WDR45B: variants seen among roughly 807,000 people sequenced by gnomAD.
WDR45B encodes the protein WD repeat domain 45B.
A neutral mutation model predicts 44.6 loss-of-function variants in WDR45B; 20 were observed. That is an observed-to-expected ratio of 0.45 (90% CI 0.32 to 0.65). The LOEUF (loss-of-function observed/expected upper bound fraction) is 0.65. Ranked by LOEUF, WDR45B falls within the 30% of genes least tolerant of loss-of-function variation. WDR45B has a pLI of 0.05. For missense variants in WDR45B, 323 were observed against 430.2 expected, an observed-to-expected ratio of 0.75 and a Z score of 2.20; for synonymous variants, 169 against 164.9, an observed-to-expected ratio of 1.02 and a Z score of -0.19.
chr17:82,618,960 T>C (rs2045576198), intron 7 of WDR45B, 83 bp downstream of exon 7: 3 of 1,333,964 alleles, frequency 2.2e-6, no homozygotes, highest in South Asian at 2.4e-5. Context: ...TGGCTGCTCC[T>C]ACCCCCTCTC....
intron 2 of WDR45B, among the ~76,000 whole-genome samples, chr17:82,641,485 T>C (rs1490108160): frequency 1.3e-5 from 2 of 152,178 alleles, no homozygotes; most frequent in Admixed American, 6.6e-5. Context: ...CCCTTTCACC[T>C]GCTAAGGCAG....
intron 1 of WDR45B, 121 bp downstream of exon 1, chr17:82,648,153 G>A (rs1011736083): frequency 2.5e-6 from 3 of 1,186,666 alleles, no homozygotes; most frequent in Non-Finnish European, 3.4e-6. Context: ...GCTCGGGCGG[G>A]GCCGGGGTCC....
At position 82,641,707 on chromosome 17, in the gene WDR45B, T is replaced by C. The variant is rs552174945; in HGVS notation, c.142+2242A>G. On this transcript the variant is annotated intron_variant, in intron 2 of 9. Transcript: ENST00000392325. ...GTCAGGAGATCAAGACCATCCTGGC[T>C]AACACAGTGAAACACCGTCTCTACC... 1.6e-3 allele frequency among the ~76,000 whole-genome samples: 249 copies of C among 152,224 alleles called. 1 individual carries two copies. The highest frequency in any genetic ancestry group is 2.7e-3 in the Non-Finnish European group (186 of 68,008).
intron 2 of WDR45B, among the ~76,000 whole-genome samples, chr17:82,643,327 G>A (rs2045939207): frequency 6.6e-6 from 1 of 152,116 alleles, no homozygotes; most frequent in South Asian, 2.1e-4. Context: ...CAGCTACTCG[G>A]GAGGCCGAGG....
chr17:82,647,564 T>G (rs2045995120), intron 1 of WDR45B, among the ~76,000 whole-genome samples: 1 of 152,080 alleles, frequency 6.6e-6, no homozygotes, highest in African/African-American at 2.4e-5. Flanking sequence ...ACACCTGGAT[T>G]CCGACATGGG....
intron 5 of WDR45B, among the ~76,000 whole-genome samples, chr17:82,624,697 C>G (rs865964152): frequency 6.6e-6 from 1 of 151,420 alleles, no homozygotes; most frequent in African/African-American, 2.4e-5. Flanking sequence ...CGGCTCACTG[C>G]GACCTCTACC....
At chr17:82,635,104 A>G (rs1598273812) in intron 2 of WDR45B, among the ~76,000 whole-genome samples, 1 of 152,178 alleles carries the variant, frequency 6.6e-6, no homozygotes, top group East Asian at 1.9e-4. Context: ...AATATATTCA[A>G]CATTACTGAT....
chr17:82,624,263 G>A (rs1370366880), intron 5 of WDR45B, among the ~76,000 whole-genome samples: 1 of 152,212 alleles, frequency 6.6e-6, no homozygotes, highest in African/African-American at 2.4e-5. Context: ...TTTTCCAGGA[G>A]AAGAGACTGT....
intron 2 of WDR45B, among the ~76,000 whole-genome samples, chr17:82,637,374 T>C (rs2045845834): frequency 6.6e-6 from 1 of 151,966 alleles, no homozygotes; most frequent in Admixed American, 6.5e-5. Flanking sequence ...CCCTCTCCTC[T>C]AATCATGGTC....
At chr17:82,645,297 CA>C (rs573297154) in intron 1 of WDR45B, among the ~76,000 whole-genome samples, 36 of 125,794 alleles carry the variant, frequency 2.9e-4, no homozygotes, top group Admixed American at 9.4e-4. Flanking sequence ...GACTCCGTCT[CA>C]AAAAAAAAAA....
At chr17:82,647,483 C>A (rs2045993877) in intron 1 of WDR45B, among the ~76,000 whole-genome samples, 1 of 152,216 alleles carries the variant, frequency 6.6e-6, no homozygotes, top group Non-Finnish European at 1.5e-5. Flanking sequence ...CCGGCCGCAT[C>A]CCCCGCAGCT....
At chr17:82,620,657 T>G (rs979278090) in intron 6 of WDR45B, among the ~76,000 whole-genome samples, 4 of 152,160 alleles carry the variant, frequency 2.6e-5, no homozygotes, top group Non-Finnish European at 4.4e-5. Context: ...CTCACCTCCT[T>G]AACAATTTAT....
intron 2 of WDR45B, among the ~76,000 whole-genome samples, chr17:82,633,184 A>G (rs1434319203): frequency 6.7e-6 from 1 of 148,594 alleles, no homozygotes; most frequent in Non-Finnish European, 1.5e-5. Context: ...AAAAAAAACC[A>G]GCACGGGCAA....
chr17:82,619,157 T>C, intron 6 of WDR45B, 29 bp from the exon 7 acceptor site: 7 of 1,603,350 alleles, frequency 4.4e-6, no homozygotes, highest in Non-Finnish European at 6.0e-6. Flanking sequence ...TGTTTCATTA[T>C]CAAAGATTCA....
rs192144125 is a variant in WDR45B, at chr17:82,615,134, A to G, written c.*785T>C. ...ATCACTCTGCTGTTCCCTACACATAACCGGGAAACAGGTTTAATCCAAAAT... is the reference window on the plus strand; with the variant it reads ...ATCACTCTGCTGTTCCCTACACATAGCCGGGAAACAGGTTTAATCCAAAAT... On this transcript the variant is annotated 3_prime_UTR_variant, in exon 10 of 10. Transcript: ENST00000392325. 5.8e-3 allele frequency: 883 copies of G among 152,698 alleles called. 4 individuals carry two copies. Among genetic ancestry groups the G allele is most frequent in the Admixed American group, 7.0e-3 (108 of 15,326 alleles). 9.5% of individuals were successfully genotyped at this position (152,698 alleles called of 1,614,324 possible). A position where few individuals can be genotyped will look rare whatever the true frequency, so the allele number is the denominator to read the frequency against.
intron 3 of WDR45B, among the ~76,000 whole-genome samples, chr17:82,628,142 A>G (rs1249927773): frequency 1.3e-5 from 2 of 152,098 alleles, no homozygotes; most frequent in East Asian, 1.9e-4. Flanking sequence ...ACAGGCATGC[A>G]CTACCATGCC....
At chr17:82,640,426 C>T (rs1452250254) in intron 2 of WDR45B, among the ~76,000 whole-genome samples, 4 of 151,582 alleles carry the variant, frequency 2.6e-5, no homozygotes, top group Non-Finnish European at 5.9e-5. Flanking sequence ...TCTCGGCTCA[C>T]TGCAACCTCC....
chr17:82,616,547 C>T lies in WDR45B; in HGVS notation c.905G>A (p.Gly302Glu). ...PSGSPCICAF[G>E]TEPNAVIAIC... Reference sequence around the variant, plus strand: ...ACCAATGACGGCGTTTGGCTCTGTTCCAAAGGCACAAATGCACGGAGAGCC... The same window carrying T: ...ACCAATGACGGCGTTTGGCTCTGTTTCAAAGGCACAAATGCACGGAGAGCC... The change falls in exon 9 of 10, where the codon GGA becomes GAA. Residue 302 changes from glycine to glutamate, a missense_variant. By Grantham distance (98) the Gly-to-Glu change is moderately conservative. Coordinates refer to ENST00000392325, the MANE Select transcript of WDR45B (RefSeq NM_019613.4). The T allele has an allele frequency of 2.5e-6, 4 of 1,614,164 alleles. No individual in the cohort carries two copies. The highest frequency in any genetic ancestry group is 1.7e-6 in the Non-Finnish European group (2 of 1,180,038).
chr17:82,619,357 G>A (rs1395322307), intron 6 of WDR45B, among the ~76,000 whole-genome samples: 2 of 152,102 alleles, frequency 1.3e-5, no homozygotes, highest in African/African-American at 4.8e-5. Flanking sequence ...GTCAAGAGAG[G>A]CTTCCAGAGA....
Sources: allele counts gnomAD v4.1 joint callset (sites outside exome capture counted in the v4.1 genomes callset), GRCh38; gene constraint gnomAD v4.1.1; transcripts MANE v1.5; gene names NCBI Gene and HGNC (gene_info 2026-07-23, HGNC 2026-07-21).